KIF13A: variants seen among roughly 807,000 people sequenced by gnomAD.
KIF13A encodes kinesin-like protein KIF13A.
Under a neutral mutation model 212.2 loss-of-function variants are expected in KIF13A, and 79 were observed. The observed-to-expected ratio is 0.37, with a 90% CI of 0.31 to 0.45. KIF13A has a LOEUF of 0.45. KIF13A is among the 20% of genes least tolerant of loss of function. The probability of loss-of-function intolerance (pLI) is 1.00; values close to 1 mark genes in which losing one functional copy is unlikely to be tolerated. For missense variants in KIF13A, 1,901 were observed against 2,209.0 expected (o/e 0.86, Z 2.79); for synonymous variants, 789 against 808.6 (o/e 0.98, Z 0.41).
chr6:17,931,444 T>C (rs184668714), intron 2 of KIF13A, among the ~76,000 whole-genome samples: 1 of 150,364 alleles, frequency 6.7e-6, no homozygotes, highest in East Asian at 2.0e-4. Context: ...TAGCACCATG[T>C]AGTAAAATAA....
intron 4 of KIF13A, among the ~76,000 whole-genome samples, chr6:17,870,525 G>A (rs1769905684): frequency 6.6e-6 from 1 of 151,756 alleles, no homozygotes; most frequent in Admixed American, 6.6e-5. Flanking sequence ...GTTCTCTGTG[G>A]GCAATAATGG....
At chr6:17,858,081 A>ATG (rs58092993) in intron 4 of KIF13A, among the ~76,000 whole-genome samples, 9,201 of 144,584 alleles carry the variant, frequency 0.064, 306 homozygotes, top group South Asian at 0.14. Flanking sequence ...TCAAATAGTT[A>ATG]TGTGTGTGTG....
Position 17,982,520 on chromosome 6 carries a change from G to C in KIF13A, c.146+4534C>G, listed in dbSNP as rs1049605489. The C allele has an allele frequency of 2.4e-5, 16 of 658,732 alleles. No individual in the cohort carries two copies. Among genetic ancestry groups the C allele is most frequent in the Middle Eastern group, 7.8e-4 (1 of 1,280 alleles). 40.8% of individuals were successfully genotyped at this position (658,732 alleles called of 1,614,324 possible). On this transcript the variant is annotated intron_variant, in intron 2 of 38. Transcript: ENST00000259711. This position sits in a 1 kb window ranked among gnomAD's most constrained non-coding sequence, Gnocchi z 5.1. The stretch of plus-strand genomic sequence containing the variant: ...TTCTTCAACTGACCCTCCCTCACAC[G>C]ATTTGCAAGGTGTATTGTTCATCCT...
At chr6:17,924,010 A>G (rs1775294485) in intron 2 of KIF13A, among the ~76,000 whole-genome samples, 1 of 152,154 alleles carries the variant, frequency 6.6e-6, no homozygotes, top group African/African-American at 2.4e-5. Context: ...GAGCTAAAAA[A>G]TCTTTTACTT....
chr6:17,853,422 T>C (rs13362675), intron 6 of KIF13A, among the ~76,000 whole-genome samples: 5,393 of 152,230 alleles, frequency 0.035, 328 homozygotes, highest in African/African-American at 0.12. Context: ...ACAACCACTT[T>C]GGATAACAGT....
Position 17,897,410 on chromosome 6 carries a change from C to T in KIF13A, c.159+758G>A, listed in dbSNP as rs1772669653. Among the ~76,000 whole-genome samples the T allele has an allele frequency of 6.6e-6, 1 of 152,124 alleles. No individual in the cohort carries two copies. Among genetic ancestry groups the T allele is most frequent in the Non-Finnish European group, 1.5e-5 (1 of 68,020 alleles). On this transcript the variant is annotated intron_variant, in intron 3 of 38. Transcript: ENST00000259711. The surrounding 1 kb of genome is among the most constrained non-coding windows in gnomAD (Gnocchi z 4.8). ...CTCACTCCTTTTGGTGCTAAGTGTC[C>T]CTCTGATACTCAGCAAAATGCTCAC...
chr6:17,795,717 A>G (rs1469244886), intron 23 of KIF13A, among the ~76,000 whole-genome samples: 2 of 152,174 alleles, frequency 1.3e-5, no homozygotes, highest in African/African-American at 2.4e-5. Flanking sequence ...GATCAACTTG[A>G]TAAGAAACTG....
At position 17,799,666 on chromosome 6, in the gene KIF13A, CA is replaced by C. The variant is rs1285582451; in HGVS notation, c.2617-228del. 6.6e-6 allele frequency among the ~76,000 whole-genome samples: 1 copy of C among 152,134 alleles called. No individual in the cohort carries two copies. Among genetic ancestry groups the C allele is most frequent in the African/African-American group, 2.4e-5 (1 of 41,438 alleles). ...TTGGCAACAAATACACACATTCCTG[CA>C]AAAGCTTCCTAATGACTGAGATGCA... is the stretch of plus-strand genomic sequence containing the variant. On this transcript the variant is annotated intron_variant, in intron 21 of 38. Coordinates refer to ENST00000259711, the MANE Select transcript of KIF13A (RefSeq NM_022113.6). The surrounding 1 kb of genome is among the most constrained non-coding windows in gnomAD (Gnocchi z 4.4).
At chr6:17,965,832 C>T (rs559560608) in intron 2 of KIF13A, among the ~76,000 whole-genome samples, 35 of 152,244 alleles carry the variant, frequency 2.3e-4, no homozygotes, top group African/African-American at 7.7e-4. Context: ...ATTAAAAAGA[C>T]GTACAATCTT....
intron 28 of KIF13A, among the ~76,000 whole-genome samples, chr6:17,784,957 G>A (rs1365256892): frequency 6.6e-6 from 1 of 152,122 alleles, no homozygotes; most frequent in Admixed American, 6.5e-5. Context: ...ATCTGGGCAT[G>A]TACATTCTGT....
chr6:17,777,041 G>A lies in KIF13A; in HGVS notation c.4170+236C>T, dbSNP rs1760048735. Among the ~76,000 whole-genome samples, 1 of 152,150 alleles carries A rather than the reference G, an allele frequency of 6.6e-6. No individual in the cohort carries two copies. The highest frequency in any genetic ancestry group is 1.5e-5 in the Non-Finnish European group (1 of 68,036). ...AACTAAACTCAATTTATATCTTAAG[G>A]AACTTCTTTCAAGGAGATAACTTGC... is the stretch of plus-strand genomic sequence containing the variant. On this transcript the variant is annotated intron_variant, in intron 34 of 38. Transcript: ENST00000259711. The surrounding 1 kb of genome is among the most constrained non-coding windows in gnomAD (Gnocchi z 4.4).
At chr6:17,942,137 T>TA (rs1053047792) in intron 2 of KIF13A, among the ~76,000 whole-genome samples, 31 of 151,422 alleles carry the variant, frequency 2.0e-4, no homozygotes, top group Non-Finnish European at 4.0e-4. Flanking sequence ...CTCATCTCTA[T>TA]AAAAAAACAC....
At position 17,850,049 on chromosome 6, in the gene KIF13A, A is replaced by T. The variant is rs1010703797; in HGVS notation, c.717+274T>A. On this transcript the variant is annotated intron_variant, in intron 8 of 38. Coordinates refer to ENST00000259711, the MANE Select transcript of KIF13A (RefSeq NM_022113.6). The surrounding 1 kb of genome is among the most constrained non-coding windows in gnomAD (Gnocchi z 6.2). ...GCTATATTGTACAAGATGGTCATGAACTTCTGCCCTCAAGCAATCCTCCCG... is the reference window on the plus strand; with the variant it reads ...GCTATATTGTACAAGATGGTCATGATCTTCTGCCCTCAAGCAATCCTCCCG... Among the ~76,000 whole-genome samples the T allele has an allele frequency of 2.6e-5, 4 of 152,150 alleles. No homozygotes were observed. Among genetic ancestry groups the T allele is most frequent in the Non-Finnish European group, 5.9e-5 (4 of 68,028 alleles).
At position 17,786,353 on chromosome 6, in the gene KIF13A, CT is replaced by C. The variant is rs892325310; in HGVS notation, c.3362-713del. On this transcript the variant is annotated intron_variant, in intron 27 of 38. Coordinates refer to ENST00000259711, the MANE Select transcript of KIF13A (RefSeq NM_022113.6). This position sits in a 1 kb window ranked among gnomAD's most constrained non-coding sequence, Gnocchi z 5.4. ...GTGGCTCACGGCTGTAACCCCAGCA[CT>C]TTTGGAGGCCGAGGTGGGCAGATCT... Among the ~76,000 whole-genome samples the C allele has an allele frequency of 1.3e-5, 2 of 152,160 alleles. No homozygotes were observed. The highest frequency in any genetic ancestry group is 4.8e-5 in the African/African-American group (2 of 41,432).
rs1342528249 is a variant in KIF13A at position 17,883,051 on chromosome 6, G to A, written c.160-9614C>T. ...AATCTTTTCATTACCAAAAATACTC[G>A]GCGAATTTACATTTTAAAGCAACTT... On this transcript the variant is annotated intron_variant, in intron 3 of 38. Transcript: ENST00000259711. This position sits in a 1 kb window ranked among gnomAD's most constrained non-coding sequence, Gnocchi z 4.8. Among the ~76,000 whole-genome samples, 12 of 151,970 alleles carry A rather than the reference G, an allele frequency of 7.9e-5. No individual in the cohort carries two copies. The highest frequency in any genetic ancestry group is 1.9e-4 in the East Asian group (1 of 5,196).
chr6:17,794,440 A>G lies in KIF13A; in HGVS notation c.3076-45T>C, dbSNP rs779956631. 1 of 1,588,776 alleles carries G rather than the reference A, an allele frequency of 6.3e-7. No individual in the cohort carries two copies. Among genetic ancestry groups the G allele is most frequent in the African/African-American group, 1.3e-5 (1 of 74,248 alleles). ...GTATGGGTGCCAGGAATGATAATGA[A>G]AAGGAACGGGATAAAGAAGGGGAAA... On this transcript the variant is annotated intron_variant, in intron 24 of 38. Coordinates refer to ENST00000259711, the MANE Select transcript of KIF13A (RefSeq NM_022113.6). This position sits in a 1 kb window ranked among gnomAD's most constrained non-coding sequence, Gnocchi z 4.1.
chr6:17,876,104 C>CA (rs1770531830), intron 3 of KIF13A, among the ~76,000 whole-genome samples: 1 of 152,158 alleles, frequency 6.6e-6, no homozygotes, highest in Admixed American at 6.5e-5. Flanking sequence ...TACTACTTCT[C>CA]AGCATATCCC....
downstream of KIF13A, chr6:17,760,962 A>T: frequency 7.2e-7 from 1 of 1,389,306 alleles, no homozygotes; most frequent in Non-Finnish European, 1.0e-6. Context: ...CCCAGTCCAC[A>T]CCCATCACAA....
At chr6:17,979,187 G>T (rs1449028165) in intron 2 of KIF13A, among the ~76,000 whole-genome samples, 1 of 152,164 alleles carries the variant, frequency 6.6e-6, no homozygotes, top group East Asian at 1.9e-4. Flanking sequence ...CAGCTACTTG[G>T]AAGGCTGAGG....
Sources: gnomAD v4.1 joint callset for allele counts (sites outside exome capture counted in the v4.1 genomes callset) on GRCh38, gnomAD v4.1.1 for gene constraint, Gnocchi (gnomAD v3.1) non-coding constraint, MANE v1.5 for transcripts, NCBI Gene and HGNC (gene_info 2026-07-23, HGNC 2026-07-21) for gene names.